Variants in GALNT13 observed in about 807,000 individuals in gnomAD.
GALNT13 encodes polypeptide N-acetylgalactosaminyltransferase 13.
In GALNT13, 28 loss-of-function variants were observed where a neutral mutation model predicts 64.2. That is an observed-to-expected ratio of 0.44 (90% CI 0.32 to 0.60). The LOEUF (loss-of-function observed/expected upper bound fraction) is 0.60, where lower values mean the gene tolerates loss of function less well. GALNT13 is among the 20% of genes least tolerant of loss of function. The pLI is 0.05. For synonymous variants in GALNT13, 214 were observed against 224.6 expected (o/e 0.95, Z 0.42); for missense variants, 577 against 669.8 (o/e 0.86, Z 1.53).
the GALNT13 span, among the ~76,000 whole-genome samples, chr2:153,282,579 T>C: frequency 6.6e-6 from 1 of 152,124 alleles, no homozygotes; most frequent in Admixed American, 6.5e-5. Context: ...CACACCTGGC[T>C]AATTTTTATA....
intron 1 of GALNT13, among the ~76,000 whole-genome samples, chr2:153,888,773 A>T (rs560249279): frequency 6.6e-6 from 1 of 152,130 alleles, no homozygotes; most frequent in South Asian, 2.1e-4. Context: ...TCACAGACAG[A>T]CAATTGATTC....
chr2:153,359,922 C>T, the GALNT13 span, among the ~76,000 whole-genome samples: 1 of 152,094 alleles, frequency 6.6e-6, no homozygotes, highest in Admixed American at 6.5e-5. Context: ...ATGAAGAATT[C>T]CTTCAAAAGC....
the GALNT13 span, among the ~76,000 whole-genome samples, chr2:153,864,518 C>A: frequency 3.9e-5 from 6 of 152,012 alleles, no homozygotes; most frequent in Admixed American, 2.0e-4. Flanking sequence ...GATTTTGTAT[C>A]CTGAGACTTT....
the GALNT13 span, among the ~76,000 whole-genome samples, chr2:153,467,772 C>T: frequency 6.6e-6 from 1 of 151,968 alleles, no homozygotes; most frequent in Non-Finnish European, 1.5e-5. Flanking sequence ...TGATGCTGAC[C>T]AAGTTTCCAT....
the GALNT13 span, among the ~76,000 whole-genome samples, chr2:153,693,245 G>A: frequency 6.6e-6 from 1 of 152,106 alleles, no homozygotes; most frequent in Non-Finnish European, 1.5e-5. Context: ...AAGCCCCAAT[G>A]GTAGAATCAC....
At position 154,171,971 on chromosome 2, in the gene GALNT13, T is replaced by TACACAC. The variant is rs57343446; in HGVS notation, c.311+31496_311+31501dup. 8.0e-3 allele frequency among the ~76,000 whole-genome samples: 1,157 copies of TACACAC among 144,312 alleles called. 14 individuals carry two copies. The highest frequency in any genetic ancestry group is 0.026 in the African/African-American group (1,013 of 39,672). 94.7% of individuals were successfully genotyped at this position (144,312 alleles called of 152,430 possible). A position where few individuals can be genotyped will look rare whatever the true frequency, so the allele number is the denominator to read the frequency against. On this transcript the variant is annotated intron_variant, in intron 4 of 12. Coordinates refer to ENST00000392825, the MANE Select transcript of GALNT13 (RefSeq NM_052917.4). Reference sequence around the variant, plus strand: ...ACAAAAATTAAATCTTTCTTTCTCATACACACACACACACACACACACACA... The same window carrying TACACAC: ...ACAAAAATTAAATCTTTCTTTCTCATACACACACACACACACACACACACACACACA...
At chr2:153,528,265 A>G in the GALNT13 span, among the ~76,000 whole-genome samples, 1 of 152,018 alleles carries the variant, frequency 6.6e-6, no homozygotes, top group African/African-American at 2.4e-5. Context: ...GCCAAAAAAG[A>G]GTTGGAGCAG....
At chr2:153,669,873 G>C in the GALNT13 span, among the ~76,000 whole-genome samples, 3 of 151,752 alleles carry the variant, frequency 2.0e-5, no homozygotes, top group African/African-American at 7.3e-5. Flanking sequence ...ATTCCCTCCT[G>C]TGCCTGGCTC....
chr2:154,258,851 GA>G lies in GALNT13; in HGVS notation c.858-163del, dbSNP rs556644865. On this transcript the variant is annotated intron_variant, in intron 7 of 12. Coordinates refer to ENST00000392825, the MANE Select transcript of GALNT13 (RefSeq NM_052917.4). ...CTAATATGAGTTTTAAAGAAAATGT[GA>G]AAAAAATGCTATTTCTTAATTTTAA... Among the ~76,000 whole-genome samples, 10 of 151,112 alleles carry G rather than the reference GA, an allele frequency of 6.6e-5. No homozygotes were observed. In the South Asian group the frequency reaches 8.4e-4, roughly 13 times the overall value.
At chr2:153,687,543 T>C in the GALNT13 span, among the ~76,000 whole-genome samples, 1 of 152,072 alleles carries the variant, frequency 6.6e-6, no homozygotes, top group African/African-American at 2.4e-5. Flanking sequence ...TAAATATTTA[T>C]CTCTTCCGTA....
At chr2:153,983,820 G>A (rs942223945) in intron 3 of GALNT13, among the ~76,000 whole-genome samples, 1 of 151,826 alleles carries the variant, frequency 6.6e-6, no homozygotes, top group Non-Finnish European at 1.5e-5. Context: ...CCTTTGTATT[G>A]TGCCATACTG....
chr2:154,182,719 A>G (rs1381221264), intron 4 of GALNT13, among the ~76,000 whole-genome samples: 2 of 150,070 alleles, frequency 1.3e-5, no homozygotes, highest in Non-Finnish European at 3.0e-5. Context: ...TATAAAATAT[A>G]TTTATTGACA....
At chr2:153,651,904 C>A in the GALNT13 span, among the ~76,000 whole-genome samples, 1 of 152,098 alleles carries the variant, frequency 6.6e-6, no homozygotes, top group Admixed American at 6.6e-5. Flanking sequence ...ATTCTGGTTA[C>A]CAACTTCAAC....
the GALNT13 span, among the ~76,000 whole-genome samples, chr2:153,221,399 G>GA: frequency 1.3e-5 from 2 of 152,132 alleles, no homozygotes; most frequent in Admixed American, 1.3e-4. Context: ...TAAAGTGATG[G>GA]AAAAAAATAC....
the GALNT13 span, among the ~76,000 whole-genome samples, chr2:153,796,956 TA>T: frequency 6.6e-6 from 1 of 152,202 alleles, no homozygotes; most frequent in African/African-American, 2.4e-5. Context: ...TTTGATGCAA[TA>T]AGTTACAGAG....
At chr2:153,184,709 G>A in the GALNT13 span, among the ~76,000 whole-genome samples, 7 of 152,008 alleles carry the variant, frequency 4.6e-5, no homozygotes, top group Non-Finnish European at 7.4e-5. Flanking sequence ...GGCCTTTACC[G>A]CATCTATTGA....
the GALNT13 span, among the ~76,000 whole-genome samples, chr2:153,668,771 C>A: frequency 2.6e-5 from 4 of 152,118 alleles, no homozygotes; most frequent in African/African-American, 7.2e-5. Flanking sequence ...AGGATCCCCA[C>A]ACACTTGAGA....
chr2:153,926,182 TA>T (rs964610286), intron 2 of GALNT13: 4 of 152,190 alleles, frequency 2.6e-5, no homozygotes, highest in Non-Finnish European at 5.9e-5. Context: ...TTAAATAATA[TA>T]AAAAAGAATA....
chr2:153,680,912 A>G, the GALNT13 span, among the ~76,000 whole-genome samples: 1 of 151,948 alleles, frequency 6.6e-6, no homozygotes. Flanking sequence ...AAACTCAGAT[A>G]CCAATCACTA....
Sources: allele counts gnomAD v4.1 joint callset (sites outside exome capture counted in the v4.1 genomes callset), GRCh38; gene constraint gnomAD v4.1.1; transcripts MANE v1.5; gene names NCBI Gene and HGNC (gene_info 2026-07-23, HGNC 2026-07-21).